Variants in LRCH1 observed in about 807,000 individuals in gnomAD.
LRCH1 encodes the protein leucine-rich repeat and calponin homology domain-containing protein 1.
In LRCH1, 23 loss-of-function variants were observed where a neutral mutation model predicts 94.9. The ratio of observed to expected loss-of-function variants is 0.24; its 90% CI spans 0.17 to 0.34. The LOEUF (loss-of-function observed/expected upper bound fraction) is 0.34. LRCH1 is among the 10% of genes least tolerant of loss of function. The pLI is 1.00. For synonymous variants in LRCH1, 364 were observed against 354.9 expected (o/e 1.03, Z -0.29); for missense variants, 790 against 945.9 (o/e 0.84, Z 2.16).
intron 1 of LRCH1, among the ~76,000 whole-genome samples, chr13:46,560,154 T>TATATATA (rs1555267823): frequency 6.7e-6 from 1 of 149,736 alleles, no homozygotes; most frequent in Non-Finnish European, 1.5e-5. Context: ...TATATAGACT[T>TATATATA]TTTATATTTC....
intron 2 of LRCH1, among the ~76,000 whole-genome samples, chr13:46,651,228 G>A (rs2051293544): frequency 6.6e-6 from 1 of 152,206 alleles, no homozygotes; most frequent in African/African-American, 2.4e-5. Context: ...GACTTGTGTT[G>A]AATAACAGAT....
At chr13:46,677,268 A>C (rs2051689276) in intron 3 of LRCH1, among the ~76,000 whole-genome samples, 1 of 151,392 alleles carries the variant, frequency 6.6e-6, no homozygotes, top group African/African-American at 2.4e-5. Flanking sequence ...AAAAAAAAAA[A>C]AAAAAAAAAA....
rs374789634 is a variant in LRCH1, at chr13:46,728,880, G to A, written c.1903G>A (p.Glu635Lys). 8.7e-6 allele frequency: 14 copies of A among 1,612,382 alleles called. No individual in the cohort carries two copies. The highest frequency in any genetic ancestry group is 1.3e-5 in the African/African-American group (1 of 75,026). ...GATGAGATTGAAGGTCAGTCTACAC[G>A]AAGACCTGGGGGCAGCCCTCATGGA... Reference protein sequence around the residue: ...IEMRLKVSLHEDLGAALMDGV... With the variant: ...IEMRLKVSLHKDLGAALMDGV... The change falls in exon 18 of 20, where the codon GAA becomes AAA. Residue 635 changes from glutamate to lysine, a missense_variant. Physicochemically the swap from Glu to Lys is moderately conservative, Grantham distance 56. Transcript: ENST00000389797.
intron 1 of LRCH1, among the ~76,000 whole-genome samples, chr13:46,647,144 A>C (rs2051232522): frequency 6.6e-6 from 1 of 151,976 alleles, no homozygotes; most frequent in Non-Finnish European, 1.5e-5. Flanking sequence ...CCATGCTAAA[A>C]GTATGTCATT....
intron 15 of LRCH1, among the ~76,000 whole-genome samples, chr13:46,714,111 G>A (rs992435414): frequency 2.6e-5 from 4 of 152,160 alleles, no homozygotes; most frequent in African/African-American, 9.7e-5. Flanking sequence ...CACATTCTTT[G>A]TAGCAGTGAA....
intron 1 of LRCH1, among the ~76,000 whole-genome samples, chr13:46,641,147 G>T (rs2051152898): frequency 6.6e-6 from 1 of 152,174 alleles, no homozygotes; most frequent in African/African-American, 2.4e-5. Context: ...GTCTAGAGGA[G>T]TGGGAAGTGA....
At chr13:46,626,735 G>C (rs539164529) in intron 1 of LRCH1, among the ~76,000 whole-genome samples, 188 of 152,256 alleles carry the variant, frequency 1.2e-3, no homozygotes, top group African/African-American at 4.0e-3. Flanking sequence ...TTTTGCTGAA[G>C]TTTTGTTGCT....
intron 2 of LRCH1, among the ~76,000 whole-genome samples, chr13:46,653,116 T>C (rs573551793): frequency 6.6e-6 from 1 of 152,316 alleles, no homozygotes; most frequent in South Asian, 2.1e-4. Context: ...TATAAACAGT[T>C]TTGTGATGAA....
intron 3 of LRCH1, among the ~76,000 whole-genome samples, chr13:46,670,685 A>G (rs1162713084): frequency 8.6e-6 from 1 of 116,818 alleles, no homozygotes; most frequent in East Asian, 3.1e-4. Flanking sequence ...AAAAGTTTCT[A>G]TTACAAGAAG....
At chr13:46,606,702 G>C (rs745861488) in intron 1 of LRCH1, among the ~76,000 whole-genome samples, 10 of 152,262 alleles carry the variant, frequency 6.6e-5, no homozygotes, top group Non-Finnish European at 1.3e-4. Flanking sequence ...CTCCTGAGTA[G>C]TTGGACTTAC....
At chr13:46,648,927 C>G (rs1286863500) in intron 1 of LRCH1, among the ~76,000 whole-genome samples, 1 of 151,956 alleles carries the variant, frequency 6.6e-6, no homozygotes, top group African/African-American at 2.4e-5. Flanking sequence ...TCACTTTGGT[C>G]TATTTATAAG....
At chr13:46,734,977 T>C (rs1873297077) in intron 19 of LRCH1, among the ~76,000 whole-genome samples, 1 of 152,200 alleles carries the variant, frequency 6.6e-6, no homozygotes, top group Non-Finnish European at 1.5e-5. Context: ...CATCCTTCCT[T>C]CCTTTTTTTT....
At chr13:46,680,763 T>C (rs1328078100) in intron 3 of LRCH1, among the ~76,000 whole-genome samples, 1 of 152,148 alleles carries the variant, frequency 6.6e-6, no homozygotes, top group Non-Finnish European at 1.5e-5. Context: ...GTTTGGACTT[T>C]ATAGTTGTTG....
At chr13:46,703,224 A>C (rs1871579770) in intron 11 of LRCH1, among the ~76,000 whole-genome samples, 1 of 152,208 alleles carries the variant, frequency 6.6e-6, no homozygotes, top group South Asian at 2.1e-4. Flanking sequence ...ACCCGTGTAC[A>C]TGTATTCATT....
Position 46,650,205 on chromosome 13 carries a change from A to G in LRCH1, c.312A>G (p.Leu104=), listed in dbSNP as rs1594314767. The part of the protein sequence containing the change: ...HDLSDTVQAD[L]SKNRLVEVPM... Reference sequence around the variant, plus strand: ...TATTCTCTCCTTTTCTTATAGACTTATCTAAAAACAGACTGGTTGAAGTTC... The same window carrying G: ...TATTCTCTCCTTTTCTTATAGACTTGTCTAAAAACAGACTGGTTGAAGTTC... Residue 104 remains leucine (L), a synonymous_variant, in exon 2 of 20, where the codon TTA becomes TTG. Transcript: ENST00000389797. The G allele has an allele frequency of 1.2e-5, 19 of 1,608,416 alleles. No individual in the cohort carries two copies. Among genetic ancestry groups the G allele is most frequent in the African/African-American group, 4.0e-5 (3 of 74,896 alleles).
chr13:46,577,884 G>A (rs2050321444), intron 1 of LRCH1, among the ~76,000 whole-genome samples: 1 of 152,216 alleles, frequency 6.6e-6, no homozygotes, highest in South Asian at 2.1e-4. Context: ...AATTGCTAGA[G>A]AACAAGAGCT....
chr13:46,701,021 ATATGT>A (rs1871440136), intron 10 of LRCH1, 95 bp from the exon 11 acceptor site: 8 of 739,084 alleles, frequency 1.1e-5, no homozygotes, highest in Non-Finnish European at 1.9e-5. Flanking sequence ...AATCATTTTC[ATATGT>A]TAGATGGATT....
chr13:46,726,829 G>A (rs1872836204), intron 17 of LRCH1, among the ~76,000 whole-genome samples: 1 of 142,424 alleles, frequency 7.0e-6, no homozygotes, highest in Non-Finnish European at 1.5e-5. Flanking sequence ...GTAACAAGAT[G>A]GTGGCAGCCA....
chr13:46,739,677 C>A (rs1409361811), intron 19 of LRCH1, among the ~76,000 whole-genome samples: 1 of 152,182 alleles, frequency 6.6e-6, no homozygotes, highest in African/African-American at 2.4e-5. Context: ...ACACTCCACA[C>A]AATCATCATG....
Sources: gnomAD v4.1 joint callset for allele counts (sites outside exome capture counted in the v4.1 genomes callset) on GRCh38, gnomAD v4.1.1 for gene constraint, MANE v1.5 for transcripts, NCBI Gene and HGNC (gene_info 2026-07-23, HGNC 2026-07-21) for gene names.